The following AIMP1 variants were observed in gnomAD, a reference collection of about 807,000 sequenced individuals.
The protein encoded by AIMP1 is aminoacyl tRNA synthetase complex interacting multifunctional protein 1, also known as aminoacyl tRNA synthase complex-interacting multifunctional protein 1.
Under a neutral mutation model 33.1 loss-of-function variants are expected in AIMP1, and 24 were observed. That is an observed-to-expected ratio of 0.73 (90% CI 0.53 to 1.02). The LOEUF is 1.02. AIMP1 is among the 50% of genes least tolerant of loss of function. The pLI is 0.00. For missense variants in AIMP1, 367 were observed against 364.8 expected (o/e 1.01, Z -0.05); for synonymous variants, 120 against 121.5 (o/e 0.99, Z 0.08).
In AIMP1 at chr4:106,328,209, C is replaced by T. The variant is rs146841053; in HGVS notation, c.357C>T (p.Asp119=). ...TKEQIKGGTG[D]EKKAKEKIEK... ...AACAGATAAAAGGAGGAACAGGAGA[C>T]GAAAAGAAAGCGAAAGAGAAAATTG... Residue 119 remains aspartate, a synonymous_variant, in exon 4 of 7, where the codon GAC becomes GAT. Transcript: ENST00000672341. 537 of 1,610,524 alleles carry T rather than the reference C, an allele frequency of 3.3e-4. 2 individuals carry two copies. Among genetic ancestry groups the T allele is most frequent in the African/African-American group, 3.3e-3 (243 of 74,604 alleles).
intron 5 of AIMP1, among the ~76,000 whole-genome samples, chr4:106,334,330 G>A (rs958635965): frequency 5.4e-5 from 8 of 147,136 alleles, no homozygotes; most frequent in Non-Finnish European, 1.2e-4. Flanking sequence ...GGGCAGTCTC[G>A]GCTCACTGCA....
rs950844617 is a variant in AIMP1 at position 106,331,998 on chromosome 4, G to A, written c.603+115G>A. Reference sequence around the variant, plus strand: ...ATACAACATGTGCCCTTGTTAATTAGTTCAGTCGATTAGTTTGAATGTGGT... The same window carrying A: ...ATACAACATGTGCCCTTGTTAATTAATTCAGTCGATTAGTTTGAATGTGGT... On this transcript the variant is annotated intron_variant, in intron 5 of 6. Coordinates refer to ENST00000672341, the MANE Select transcript of AIMP1 (RefSeq NM_001142416.2). The A allele has an allele frequency of 3.0e-6, 3 of 1,010,618 alleles. No homozygotes were observed. The African/African-American group carries it at 4.8e-5, about 16-fold the overall frequency. The allele number at this position is 1,010,618 out of a possible 1,614,324, so 62.6% of individuals were successfully genotyped here.
chr4:106,347,687 A>C lies in AIMP1; in HGVS notation c.934A>C (p.Lys312Gln), dbSNP rs138429424. 2 of 1,612,752 alleles carry C rather than the reference A, an allele frequency of 1.2e-6. No homozygotes were observed. The highest frequency in any genetic ancestry group is 1.7e-6 in the Non-Finnish European group (2 of 1,179,370). Reference sequence around the variant, plus strand: ...TCAAACCATGAGCAACAGTGGAATCAAATAAAATGCTTCCACTACCAAAAG... The same window carrying C: ...TCAAACCATGAGCAACAGTGGAATCCAATAAAATGCTTCCACTACCAAAAG... ...RAQTMSNSGI[K>Q] Residue 312 changes from lysine to glutamine, a missense_variant, in exon 7 of 7, where the codon AAA becomes CAA. Physicochemically the swap from Lys to Gln is moderately conservative, Grantham distance 53 (BLOSUM62 1). Coordinates refer to ENST00000672341, the MANE Select transcript of AIMP1 (RefSeq NM_001142416.2).
intron 6 of AIMP1, among the ~76,000 whole-genome samples, chr4:106,343,221 T>TA (rs1770167197): frequency 1.3e-5 from 2 of 152,198 alleles, no homozygotes; most frequent in Admixed American, 6.5e-5. Context: ...AGAGATGTTT[T>TA]TAATAGTCTC....
In AIMP1 at chr4:106,346,818, A is replaced by G. The variant is rs564744472; in HGVS notation, c.773-708A>G. Among the ~76,000 whole-genome samples, 13 of 152,314 alleles carry G rather than the reference A, an allele frequency of 8.5e-5. No homozygotes were observed. In the South Asian group the frequency reaches 2.7e-3, roughly 32 times the overall value. On this transcript the variant is annotated intron_variant, in intron 6 of 6. Transcript: ENST00000672341. ...GTTTTCCTTTATATTTAATGATAAA[A>G]TGAGTATATTAATCCATTCATGCAC... is the stretch of plus-strand genomic sequence containing the variant.
intron 1 of AIMP1, among the ~76,000 whole-genome samples, chr4:106,319,144 C>A (rs1769098195): frequency 6.6e-6 from 1 of 152,068 alleles, no homozygotes; most frequent in African/African-American, 2.4e-5. Context: ...TCCTATATAG[C>A]ATAAGAATTC....
intron 6 of AIMP1, among the ~76,000 whole-genome samples, chr4:106,339,080 G>A (rs1770000371): frequency 6.6e-6 from 1 of 152,192 alleles, no homozygotes; most frequent in Non-Finnish European, 1.5e-5. Context: ...TACCCCCAAT[G>A]TATTCTGGAA....
At chr4:106,336,848 A>G (rs1290213916) in intron 5 of AIMP1, 21 bp from the exon 6 acceptor site, 1 of 1,609,730 alleles carries the variant, frequency 6.2e-7, no homozygotes, top group African/African-American at 1.3e-5. Flanking sequence ...ATCTTTACTT[A>G]CCAGTTTATA....
Position 106,328,227 on chromosome 4 carries a change from G to A in AIMP1, c.375G>A (p.Glu125=). ...CAGGAGACGAAAAGAAAGCGAAAGA[G>A]AAAATTGAAAAGAAAGGTATTTTTG... The part of the protein sequence containing the change: ...GGTGDEKKAK[E]KIEKKGEKKE... Residue 125 remains glutamate, a synonymous_variant, in exon 4 of 7, where the codon GAG becomes GAA. Coordinates refer to ENST00000672341, the MANE Select transcript of AIMP1 (RefSeq NM_001142416.2). 1 of 1,608,930 alleles carries A rather than the reference G, an allele frequency of 6.2e-7. No homozygotes were observed. The highest frequency in any genetic ancestry group is 1.3e-5 in the African/African-American group (1 of 74,868).
At chr4:106,336,392 A>C (rs1209195292) in intron 5 of AIMP1, among the ~76,000 whole-genome samples, 12 of 152,122 alleles carry the variant, frequency 7.9e-5, no homozygotes, top group Non-Finnish European at 1.0e-4. Context: ...GAAATGATCA[A>C]ATGTGTAGGG....
At chr4:106,321,664 C>T (rs1490931390) in intron 1 of AIMP1, among the ~76,000 whole-genome samples, 4 of 151,478 alleles carry the variant, frequency 2.6e-5, no homozygotes, top group Admixed American at 2.0e-4. Context: ...GTGAGGAGCC[C>T]CTCTGCCCGG....
At chr4:106,316,632 G>T (rs755163543) in intron 1 of AIMP1, 38 bp downstream of exon 1, 1 of 1,546,934 alleles carries the variant, frequency 6.5e-7, no homozygotes, top group South Asian at 1.2e-5. Context: ...CTCGGGGATC[G>T]CCGATTGCGA....
intron 1 of AIMP1, among the ~76,000 whole-genome samples, chr4:106,323,976 G>C (rs1053603434): frequency 6.6e-6 from 1 of 152,018 alleles, no homozygotes; most frequent in African/African-American, 2.4e-5. Flanking sequence ...GCTCAAAAAT[G>C]AGCCAACAGA....
intron 2 of AIMP1, among the ~76,000 whole-genome samples, chr4:106,326,877 G>C (rs1448343638): frequency 2.0e-5 from 3 of 151,844 alleles, no homozygotes; most frequent in Admixed American, 6.6e-5. Flanking sequence ...TCCAAGCCTC[G>C]ATCAGTCCTC....
In AIMP1 at chr4:106,347,560, G is replaced by T. The variant is rs768119861; in HGVS notation, c.807G>T (p.Lys269Asn). Residue 269 changes from lysine (K) to asparagine (N), a missense_variant, in exon 7 of 7, where the codon AAG becomes AAT. Lys to Asn is a moderately conservative substitution (Grantham distance 94, BLOSUM62 0). Coordinates refer to ENST00000672341, the MANE Select transcript of AIMP1 (RefSeq NM_001142416.2). ...EPDKELNPKK[K>N]IWEQIQPDLH... ...ACAAGGAGCTGAATCCTAAGAAGAAGATTTGGGAGCAGATCCAGCCTGATC... is the reference window on the plus strand; with the variant it reads ...ACAAGGAGCTGAATCCTAAGAAGAATATTTGGGAGCAGATCCAGCCTGATC... The T allele has an allele frequency of 2.5e-6, 4 of 1,613,252 alleles. No homozygotes were observed. Among genetic ancestry groups the T allele is most frequent in the Admixed American group, 1.7e-5 (1 of 59,884 alleles).
At chr4:106,336,783 G>C (rs1381111590) in intron 5 of AIMP1, 86 bp from the exon 6 acceptor site, 20 of 1,228,406 alleles carry the variant, frequency 1.6e-5, no homozygotes, top group Non-Finnish European at 2.3e-5. Flanking sequence ...TTGATACTTA[G>C]CATATTAGGT....
In AIMP1 at chr4:106,344,415, G is replaced by A. The variant is rs531294843; in HGVS notation, c.773-3111G>A. Among the ~76,000 whole-genome samples, 6 of 152,124 alleles carry A rather than the reference G, an allele frequency of 3.9e-5. No individual in the cohort carries two copies. In the South Asian group the frequency reaches 1.2e-3, roughly 32 times the overall value. On this transcript the variant is annotated intron_variant, in intron 6 of 6. Coordinates refer to ENST00000672341, the MANE Select transcript of AIMP1 (RefSeq NM_001142416.2). ...TTTCCATCCTCCTAGTTGCTTAACTGCTTTTCTCAATCTGTACATCTTCTC... is the reference window on the plus strand; with the variant it reads ...TTTCCATCCTCCTAGTTGCTTAACTACTTTTCTCAATCTGTACATCTTCTC...
rs1263598865 is a variant in AIMP1, at chr4:106,331,859, G to C, written c.579G>C (p.Leu193=). 1.9e-6 allele frequency: 3 copies of C among 1,613,930 alleles called. No individual in the cohort carries two copies. The highest frequency in any genetic ancestry group is 2.7e-5 in the African/African-American group (2 of 74,902). Residue 193 remains leucine (L), a synonymous_variant, in exon 5 of 7, where the codon CTG becomes CTC. Coordinates refer to ENST00000672341, the MANE Select transcript of AIMP1 (RefSeq NM_001142416.2). ...CCCCAAGGACAGTTGTCAGTGGCCT[G>C]GTGAATCATGTTCCTCTTGAACAGG... ...EIAPRTVVSG[L]VNHVPLEQMQ...
chr4:106,340,925 T>C (rs1770075398), intron 6 of AIMP1, among the ~76,000 whole-genome samples: 1 of 152,072 alleles, frequency 6.6e-6, no homozygotes, highest in South Asian at 2.1e-4. Context: ...CTCACCAACA[T>C]CTTATTTTTG....
Sources: gnomAD v4.1 joint callset for allele counts (sites outside exome capture counted in the v4.1 genomes callset) on GRCh38, gnomAD v4.1.1 for gene constraint, MANE v1.5 for transcripts, NCBI Gene and HGNC (gene_info 2026-07-23, HGNC 2026-07-21) for gene names.